Variants in ARNT2 observed in about 807,000 individuals in gnomAD.
ARNT2 encodes the protein aryl hydrocarbon receptor nuclear translocator 2.
ARNT2 carries 36 observed loss-of-function variants against 91.7 expected under a neutral mutation model. The observed-to-expected ratio is 0.39, with a 90% CI of 0.30 to 0.52. The LOEUF (loss-of-function observed/expected upper bound fraction) is 0.52, where lower values mean the gene tolerates loss of function less well. Among genes scored for constraint, ARNT2 ranks in the 20% least tolerant of loss-of-function variants. The pLI is 0.72. For synonymous variants in ARNT2, 365 were observed against 347.1 expected (o/e 1.05, Z -0.57); for missense variants, 775 against 939.3 (o/e 0.83, Z 2.29).
Position 80,484,678 on chromosome 15 carries a change from A to G in ARNT2, c.622+9455A>G, listed in dbSNP as rs183548829. Among the ~76,000 whole-genome samples the G allele has an allele frequency of 1.1e-3, 160 of 152,366 alleles. 1 individual carries two copies. Among genetic ancestry groups the G allele is most frequent in the African/African-American group, 3.7e-3 (155 of 41,580 alleles). ...TCCAGCCCAGGCTGTTGGGTTCATT[A>G]TCACTCTTGTGTCACAGCAGATAAA... On this transcript the variant is annotated intron_variant, in intron 5 of 18. Transcript: ENST00000303329.
At chr15:80,416,879 C>T (rs1439802550) in intron 1 of ARNT2, among the ~76,000 whole-genome samples, 1 of 152,084 alleles carries the variant, frequency 6.6e-6, no homozygotes, top group Non-Finnish European at 1.5e-5. Context: ...ATAGACAAGA[C>T]TAAGGAAAGA....
chr15:80,498,557 G>A lies in ARNT2; in HGVS notation c.623-9599G>A, dbSNP rs942682767. Reference sequence around the variant, plus strand: ...GCTGGAAAGTGTGGTCACTACAACCGTGCCTGCCATTAGGGGACCTGTACC... The same window carrying A: ...GCTGGAAAGTGTGGTCACTACAACCATGCCTGCCATTAGGGGACCTGTACC... On this transcript the variant is annotated intron_variant, in intron 5 of 18. Transcript: ENST00000303329. Among the ~76,000 whole-genome samples, 3 of 152,256 alleles carry A rather than the reference G, an allele frequency of 2.0e-5. No homozygotes were observed. In the East Asian group the frequency reaches 5.8e-4, roughly 29 times the overall value.
chr15:80,540,095 C>T (rs1041288160), intron 8 of ARNT2, among the ~76,000 whole-genome samples: 1 of 152,102 alleles, frequency 6.6e-6, no homozygotes, highest in Non-Finnish European at 1.5e-5. Context: ...CCCCCATGTT[C>T]ATTGCAGCAC....
chr15:80,490,497 G>A (rs1471910208), intron 5 of ARNT2, among the ~76,000 whole-genome samples: 1 of 152,242 alleles, frequency 6.6e-6, no homozygotes, highest in African/African-American at 2.4e-5. Context: ...GTCTACTGAA[G>A]CCCACGGAAG....
chr15:80,505,933 T>TTTTTTTTTTG (rs1566989278), intron 5 of ARNT2, among the ~76,000 whole-genome samples: 1 of 130,980 alleles, frequency 7.6e-6, no homozygotes, highest in Non-Finnish European at 1.6e-5. Flanking sequence ...TGTTGTTTTT[T>TTTTTTTTTTG]TTTTTTTTTT....
At chr15:80,558,712 C>T (rs755761835) in intron 11 of ARNT2, among the ~76,000 whole-genome samples, 4 of 152,132 alleles carry the variant, frequency 2.6e-5, no homozygotes, top group East Asian at 1.9e-4. Flanking sequence ...CTCAACAAAG[C>T]AATCTAAATG....
intron 8 of ARNT2, among the ~76,000 whole-genome samples, chr15:80,530,877 G>A (rs1897728541): frequency 6.6e-6 from 1 of 152,106 alleles, no homozygotes; most frequent in Admixed American, 6.5e-5. Flanking sequence ...ATCCATTTGG[G>A]AAACTTGGCA....
At position 80,444,054 on chromosome 15, in the gene ARNT2, T is replaced by C. The variant is rs746810552; in HGVS notation, c.32-6826T>C. Among the ~76,000 whole-genome samples, 25 of 152,332 alleles carry C rather than the reference T, an allele frequency of 1.6e-4. 1 individual carries two copies. Among genetic ancestry groups the C allele is most frequent in the Non-Finnish European group, 3.1e-4 (21 of 68,022 alleles). ...ACCAGATGCCTGTCTTTTCCAAATG[T>C]GGCAAACCCTCAGCTGCATGGGGAA... On this transcript the variant is annotated intron_variant, in intron 1 of 18. Coordinates refer to ENST00000303329, the MANE Select transcript of ARNT2 (RefSeq NM_014862.4).
chr15:80,483,652 C>T (rs1463923961), intron 5 of ARNT2, among the ~76,000 whole-genome samples: 1 of 152,230 alleles, frequency 6.6e-6, no homozygotes, highest in Non-Finnish European at 1.5e-5. Flanking sequence ...CGGCATCCTC[C>T]ACTGTGGAAC....
In ARNT2 at chr15:80,555,130, C is replaced by T. The variant is rs1898156083; in HGVS notation, c.1155C>T (p.Ser385=). Residue 385 remains serine, a synonymous_variant, in exon 11 of 19, where the codon AGC becomes AGT. Coordinates refer to ENST00000303329, the MANE Select transcript of ARNT2 (RefSeq NM_014862.4). ...HPEDQSHLRE[S]FQQVVKLKGQ... is the part of the protein sequence containing the mutation. ...AGGATCAAAGCCATCTGCGTGAGAGCTTCCAGCAGGTACATACTGCCAGTA... is the reference window on the plus strand; with the variant it reads ...AGGATCAAAGCCATCTGCGTGAGAGTTTCCAGCAGGTACATACTGCCAGTA... The T allele has an allele frequency of 3.7e-6, 6 of 1,614,074 alleles. No homozygotes were observed. The highest frequency in any genetic ancestry group is 1.7e-5 in the Admixed American group (1 of 60,016).
chr15:80,498,322 G>C (rs1334261270), intron 5 of ARNT2, among the ~76,000 whole-genome samples: 3 of 152,172 alleles, frequency 2.0e-5, no homozygotes, highest in Non-Finnish European at 4.4e-5. Flanking sequence ...TGGCAGAAGG[G>C]CTACGTGGCC....
intron 3 of ARNT2, among the ~76,000 whole-genome samples, chr15:80,461,041 A>G (rs1896544900): frequency 6.6e-6 from 1 of 152,138 alleles, no homozygotes; most frequent in African/African-American, 2.4e-5. Flanking sequence ...TAGGTAGGAA[A>G]TGGGGCTGTG....
At chr15:80,552,083 A>G (rs1186843154) in intron 9 of ARNT2, among the ~76,000 whole-genome samples, 1 of 152,208 alleles carries the variant, frequency 6.6e-6, no homozygotes, top group Non-Finnish European at 1.5e-5. Context: ...GGAGAGACAT[A>G]CTAGACCTGG....
At chr15:80,540,753 C>T (rs1466912735) in intron 8 of ARNT2, among the ~76,000 whole-genome samples, 1 of 152,140 alleles carries the variant, frequency 6.6e-6, no homozygotes, top group Non-Finnish European at 1.5e-5. Context: ...TGGTATTTGG[C>T]TCTCTGTTCC....
chr15:80,573,019 G>A (rs1898611423), intron 12 of ARNT2, among the ~76,000 whole-genome samples: 1 of 152,174 alleles, frequency 6.6e-6, no homozygotes, highest in Admixed American at 6.5e-5. Flanking sequence ...CCTTACTACA[G>A]CTCAGCAGCA....
intron 1 of ARNT2, among the ~76,000 whole-genome samples, chr15:80,448,708 G>A (rs1425089601): frequency 6.6e-6 from 1 of 152,220 alleles, no homozygotes; most frequent in Admixed American, 6.5e-5. Flanking sequence ...CTTGGGCCTG[G>A]CGCGGTGGCT....
intron 1 of ARNT2, among the ~76,000 whole-genome samples, chr15:80,429,593 C>T (rs973492239): frequency 6.6e-6 from 1 of 152,166 alleles, no homozygotes; most frequent in African/African-American, 2.4e-5. Flanking sequence ...AGCAAATCAT[C>T]GAACCTGAGA....
At chr15:80,486,758 A>AT (rs2141408027) in intron 5 of ARNT2, among the ~76,000 whole-genome samples, 1 of 152,260 alleles carries the variant, frequency 6.6e-6, no homozygotes, top group Non-Finnish European at 1.5e-5. Context: ...ACTGGTGTTA[A>AT]TTTTTTATAA....
intron 1 of ARNT2, chr15:80,443,038 T>C: frequency 1.0e-6 from 1 of 984,948 alleles, no homozygotes; most frequent in Non-Finnish European, 1.2e-6. Flanking sequence ...ACAGTAAGAA[T>C]GAATCACCAG....
Sources: gnomAD v4.1 joint callset for allele counts (sites outside exome capture counted in the v4.1 genomes callset) on GRCh38, gnomAD v4.1.1 for gene constraint, MANE v1.5 for transcripts, NCBI Gene and HGNC (gene_info 2026-07-23, HGNC 2026-07-21) for gene names.